Variants in ITSN2 observed in about 807,000 individuals in gnomAD.
ITSN2 encodes intersectin-2.
ITSN2 carries 156 observed loss-of-function variants against 243.7 expected under a neutral mutation model. The observed-to-expected ratio is 0.64, with a 90% CI of 0.56 to 0.73. The LOEUF (loss-of-function observed/expected upper bound fraction) is 0.73, where lower values mean the gene tolerates loss of function less well. Among genes scored for constraint, ITSN2 ranks in the 30% least tolerant of loss-of-function variants. The pLI, the probability that ITSN2 is intolerant of heterozygous loss-of-function variation, is 0.00. For missense variants in ITSN2, 1,801 were observed against 1,996.1 expected (o/e 0.90, Z 1.86); for synonymous variants, 703 against 699.9 (o/e 1.00, Z -0.07).
chr2:24,229,213 A>C (rs930013696), intron 29 of ITSN2, among the ~76,000 whole-genome samples: 2 of 152,246 alleles, frequency 1.3e-5, no homozygotes, highest in Non-Finnish European at 2.9e-5. Flanking sequence ...AATGAAAATT[A>C]ATGAGAATAT....
chr2:24,286,283 G>T lies in ITSN2; in HGVS notation c.1792C>A (p.Gln598Lys), dbSNP rs748420023. ...GTTTCTTTTTCAAGAGCATCTAACT[G>T]TTCTTTAAGTCTTTGGCATAATTCT... ...KEELCQRLKE[Q>K]LDALEKETAS... The change falls in exon 16 of 40, where the codon CAG becomes AAG. Residue 598 changes from glutamine (Q) to lysine (K), a missense_variant. Gln to Lys is a moderately conservative substitution (Grantham distance 53). Transcript: ENST00000355123. 5.0e-6 allele frequency: 8 copies of T among 1,603,888 alleles called. No homozygotes were observed. The highest frequency in any genetic ancestry group is 6.8e-6 in the Non-Finnish European group (8 of 1,171,232).
intron 1 of ITSN2, among the ~76,000 whole-genome samples, chr2:24,337,321 T>TATATATATACATATAC (rs1553395918): frequency 4.9e-5 from 4 of 80,914 alleles, no homozygotes; most frequent in African/African-American, 1.1e-4. Context: ...ACAAAATATA[T>TATATATATACATATAC]ATATATATAT....
chr2:24,308,103 G>A (rs1682785125), intron 8 of ITSN2, among the ~76,000 whole-genome samples: 1 of 152,174 alleles, frequency 6.6e-6, no homozygotes, highest in Non-Finnish European at 1.5e-5. Flanking sequence ...TTCTCAATTA[G>A]TACAGTTCAG....
chr2:24,312,064 A>AT (rs1683320555), intron 5 of ITSN2, 148 bp downstream of exon 5: 3 of 656,952 alleles, frequency 4.6e-6, no homozygotes, highest in Non-Finnish European at 2.5e-6. Context: ...GTGACAGTGA[A>AT]TTTAATATTT....
intron 1 of ITSN2, among the ~76,000 whole-genome samples, chr2:24,349,041 ATG>A (rs1473878383): frequency 6.6e-6 from 1 of 152,198 alleles, no homozygotes; most frequent in Non-Finnish European, 1.5e-5. Flanking sequence ...CCAAGGCAGG[ATG>A]ACAGCTTGAG....
At position 24,248,856 on chromosome 2, in the gene ITSN2, T is replaced by C. The variant is rs777196249; in HGVS notation, c.3147A>G (p.Gly1049=). The C allele has an allele frequency of 3.0e-5, 48 of 1,613,692 alleles. No homozygotes were observed. Among genetic ancestry groups the C allele is most frequent in the Non-Finnish European group, 4.0e-5 (47 of 1,179,790 alleles). ...ACGTACCAGGTTTTTTATTTGATGCTCCAGACTTGCTAGCACTCCCAAAAC... is the reference window on the plus strand; with the variant it reads ...ACGTACCAGGTTTTTTATTTGATGCCCCAGACTTGCTAGCACTCCCAAAAC... The part of the protein sequence containing the change: ...QESFGSASKS[G]ASNKKPEIAQ... The change falls in exon 26 of 40, where the codon GGA becomes GGG. Residue 1049 remains glycine, a synonymous_variant. Coordinates refer to ENST00000355123, the MANE Select transcript of ITSN2 (RefSeq NM_006277.3).
chr2:24,307,463 T>C (rs1682700448), intron 8 of ITSN2, among the ~76,000 whole-genome samples: 1 of 152,152 alleles, frequency 6.6e-6, no homozygotes, highest in Admixed American at 6.5e-5. Flanking sequence ...AAAGTATATA[T>C]GTAAGCTAAG....
chr2:24,239,017 C>T (rs1174225871), intron 29 of ITSN2: 3 of 152,358 alleles, frequency 2.0e-5, no homozygotes, highest in Non-Finnish European at 4.4e-5. Context: ...TCATGCCAAG[C>T]GTGCCCAGCA....
At chr2:24,294,830 T>C (rs1185365553) in intron 14 of ITSN2, among the ~76,000 whole-genome samples, 2 of 152,154 alleles carry the variant, frequency 1.3e-5, no homozygotes, top group African/African-American at 4.8e-5. Flanking sequence ...TATTAAGAAG[T>C]AGGGCTTTAG....
intron 15 of ITSN2, 94 bp from the exon 16 acceptor site, chr2:24,286,445 G>A: frequency 3.0e-6 from 3 of 1,012,544 alleles, no homozygotes; most frequent in Admixed American, 4.0e-5. Flanking sequence ...GATGTAACTA[G>A]ACCAATACGA....
intron 29 of ITSN2, among the ~76,000 whole-genome samples, chr2:24,235,270 T>A (rs1222391023): frequency 6.6e-6 from 1 of 152,128 alleles, no homozygotes; most frequent in Non-Finnish European, 1.5e-5. Context: ...CATATGATAT[T>A]CTGGGAAGGG....
intron 21 of ITSN2, 103 bp from the exon 22 acceptor site, chr2:24,261,353 C>T: frequency 1.1e-6 from 1 of 947,682 alleles, no homozygotes; most frequent in South Asian, 1.7e-5. Flanking sequence ...TGCTTACACA[C>T]AATTTGTGGG....
chr2:24,222,230 C>T (rs1394313162), intron 29 of ITSN2, among the ~76,000 whole-genome samples: 1 of 99,046 alleles, frequency 1.0e-5, no homozygotes, highest in Admixed American at 1.6e-4. Flanking sequence ...CCAGCCTGGG[C>T]AAAAGAGCAA....
chr2:24,315,222 C>T lies in ITSN2; in HGVS notation c.34G>A (p.Gly12Arg), dbSNP rs147319050. ...GAGGTAATAGCCCACATGTTTGGCC[C>T]TCCTGAAACATAAGTGGAAGAAACT... ...MAQFPTAMNG[G>R]PNMWAITSEE... is the part of the protein sequence containing the mutation. The change falls in exon 3 of 40, where the codon GGG (glycine) becomes AGG (arginine). Residue 12 changes from glycine (G) to arginine (R), a missense_variant and splice_region_variant. Around this residue, in one of 5 missense-constraint regions of ITSN2, gnomAD observed 77 missense variants for 90.1 expected, o/e 0.85. Transcript: ENST00000355123. The T allele has an allele frequency of 1.9e-6, 3 of 1,598,740 alleles. No homozygotes were observed. The highest frequency in any genetic ancestry group is 2.7e-5 in the African/African-American group (2 of 74,554).
chr2:24,287,905 G>A (rs577950432), intron 15 of ITSN2, among the ~76,000 whole-genome samples: 1 of 152,008 alleles, frequency 6.6e-6, no homozygotes, highest in Admixed American at 6.6e-5. Context: ...TTTTGGTATT[G>A]AGTTATATAT....
Position 24,204,053 on chromosome 2 carries a change from C to T in ITSN2, c.4936+192G>A. On this transcript the variant is annotated intron_variant, in intron 39 of 39. Transcript: ENST00000355123. This position sits in a 1 kb window ranked among gnomAD's most constrained non-coding sequence, Gnocchi z 5.1. ...TGTGTAGGGAGTGATGGGTCAAAGACCTGAAACACATCTCAGGCCACCTCC... is the reference window on the plus strand; with the variant it reads ...TGTGTAGGGAGTGATGGGTCAAAGATCTGAAACACATCTCAGGCCACCTCC... 2 of 643,186 alleles carry T rather than the reference C, an allele frequency of 3.1e-6. No homozygotes were observed. Among genetic ancestry groups the T allele is most frequent in the South Asian group, 1.9e-5 (1 of 51,676 alleles). 39.8% of individuals were successfully genotyped at this position (643,186 alleles called of 1,614,324 possible).
chr2:24,334,772 T>C (rs76453654), intron 1 of ITSN2: 118,598 of 1,509,338 alleles, frequency 0.079, 4,871 homozygotes, highest in Middle Eastern at 0.1. Flanking sequence ...TATTAAAAGA[T>C]GCAAGCATTG....
rs1679480630 is a variant in ITSN2, at chr2:24,286,198, T to A, written c.1863+14A>T. The A allele has an allele frequency of 1.3e-6, 2 of 1,507,200 alleles. No homozygotes were observed. The highest frequency in any genetic ancestry group is 2.8e-5 in the African/African-American group (2 of 71,324). The allele number at this position is 1,507,200 out of a possible 1,614,324, so 93.4% of individuals were successfully genotyped here. The stretch of plus-strand genomic sequence containing the variant: ...GGCAGTTACCTAAAAATAAATAGTA[T>A]CAAAAATAAATACCTTTAGTTGATT... On this transcript the variant is annotated intron_variant, in intron 16 of 39. Coordinates refer to ENST00000355123, the MANE Select transcript of ITSN2 (RefSeq NM_006277.3).
chr2:24,342,347 G>A (rs976467299), intron 1 of ITSN2, among the ~76,000 whole-genome samples: 6 of 151,588 alleles, frequency 4.0e-5, no homozygotes, highest in Non-Finnish European at 7.4e-5. Flanking sequence ...ACAAGAGCAC[G>A]CTGCCAAGCC....
Sources: allele counts gnomAD v4.1 joint callset (sites outside exome capture counted in the v4.1 genomes callset), GRCh38; gene constraint gnomAD v4.1.1; regional missense constraint gnomAD v4.1.1; non-coding constraint Gnocchi (gnomAD v3.1); transcripts MANE v1.5; gene names NCBI Gene and HGNC (gene_info 2026-07-23, HGNC 2026-07-21).